The following MEGF10 variants were observed in gnomAD, a reference collection of about 807,000 sequenced individuals.
MEGF10 encodes the protein multiple EGF like domains 10, also known as multiple epidermal growth factor-like domains protein 10.
In MEGF10, 86 loss-of-function variants were observed where a neutral mutation model predicts 147.5. The ratio of observed to expected loss-of-function variants is 0.58; its 90% CI spans 0.49 to 0.70. The LOEUF is 0.70. Among genes scored for constraint, MEGF10 ranks in the 30% least tolerant of loss-of-function variants. MEGF10 has a pLI of 0.00. For synonymous variants in MEGF10, 478 were observed against 525.5 expected (o/e 0.91, Z 1.24); for missense variants, 1,329 against 1,487.3 (o/e 0.89, Z 1.75).
intron 5 of MEGF10, among the ~76,000 whole-genome samples, chr5:127,389,940 G>A (rs1469402834): frequency 6.6e-6 from 1 of 152,062 alleles, no homozygotes; most frequent in Non-Finnish European, 1.5e-5. Flanking sequence ...GATATGTAAA[G>A]CATAAAGCAC....
At chr5:127,298,663 G>A (rs1759625472) in intron 1 of MEGF10, among the ~76,000 whole-genome samples, 1 of 152,158 alleles carries the variant, frequency 6.6e-6, no homozygotes, top group Admixed American at 6.5e-5. Flanking sequence ...CAAAAGGCAT[G>A]CCTTTTTTGT....
chr5:127,353,936 C>T lies in MEGF10; in HGVS notation c.319+13306C>T, dbSNP rs970929431. 4.6e-5 allele frequency among the ~76,000 whole-genome samples: 7 copies of T among 152,278 alleles called. No homozygotes were observed. The East Asian group carries it at 1.4e-3, about 29-fold the overall frequency. The stretch of plus-strand genomic sequence containing the variant: ...GTTCCCATGGATGTGTCCTGCCTGT[C>T]GTTGGCACTGGTTAAGAGAACTTTG... On this transcript the variant is annotated intron_variant, in intron 4 of 24. Transcript: ENST00000503335.
At chr5:127,320,764 A>T (rs1309166118) in intron 1 of MEGF10, among the ~76,000 whole-genome samples, 1 of 152,220 alleles carries the variant, frequency 6.6e-6, no homozygotes, top group African/African-American at 2.4e-5. Context: ...GCTTAAAACC[A>T]TGAGGATAAA....
intron 5 of MEGF10, among the ~76,000 whole-genome samples, chr5:127,392,115 CAG>C (rs1255206942): frequency 6.6e-6 from 1 of 152,166 alleles, no homozygotes; most frequent in Non-Finnish European, 1.5e-5. Flanking sequence ...TGCCTAAGGA[CAG>C]AGTTTCCTGA....
chr5:127,272,554 C>A, the MEGF10 span, among the ~76,000 whole-genome samples: 1 of 152,182 alleles, frequency 6.6e-6, no homozygotes, highest in African/African-American at 2.4e-5. Context: ...TTCTTCCTAT[C>A]CATGAGCATG....
chr5:127,280,125 AAT>A, the MEGF10 span, among the ~76,000 whole-genome samples: 1 of 152,232 alleles, frequency 6.6e-6, no homozygotes, highest in East Asian at 1.9e-4. Context: ...TGAACAAATG[AAT>A]ATTAATTTTA....
intron 4 of MEGF10, among the ~76,000 whole-genome samples, chr5:127,366,440 C>T (rs1374177757): frequency 6.6e-6 from 1 of 152,126 alleles, no homozygotes. Flanking sequence ...CTTTTAGACT[C>T]CATCCCAACA....
intron 3 of MEGF10, among the ~76,000 whole-genome samples, chr5:127,339,966 T>C (rs1370213557): frequency 6.6e-6 from 1 of 152,230 alleles, no homozygotes; most frequent in African/African-American, 2.4e-5. Flanking sequence ...ATGCATGTCC[T>C]TACTTTAACA....
At chr5:127,416,472 C>T (rs1362979344) in intron 9 of MEGF10, among the ~76,000 whole-genome samples, 2 of 152,154 alleles carry the variant, frequency 1.3e-5, no homozygotes, top group African/African-American at 4.8e-5. Flanking sequence ...CGCTCTGGTC[C>T]TGTGAATCTA....
At chr5:127,451,804 C>G (rs1342160198) in intron 22 of MEGF10, among the ~76,000 whole-genome samples, 2 of 152,140 alleles carry the variant, frequency 1.3e-5, no homozygotes, top group Non-Finnish European at 2.9e-5. Flanking sequence ...ATTTAACATC[C>G]CTTTAAAGTT....
chr5:127,411,604 G>A (rs1445897209), intron 9 of MEGF10, among the ~76,000 whole-genome samples: 2 of 152,130 alleles, frequency 1.3e-5, no homozygotes, highest in Admixed American at 6.5e-5. Flanking sequence ...ATTTTAGTGG[G>A]ACATATGAAA....
At chr5:127,402,186 G>A (rs1764157465) in intron 7 of MEGF10, among the ~76,000 whole-genome samples, 1 of 152,148 alleles carries the variant, frequency 6.6e-6, no homozygotes, top group Non-Finnish European at 1.5e-5. Flanking sequence ...GACTTATTGT[G>A]CATGTAAGAC....
At chr5:127,306,737 A>G (rs1396275846) in intron 1 of MEGF10, among the ~76,000 whole-genome samples, 1 of 152,212 alleles carries the variant, frequency 6.6e-6, no homozygotes, top group Non-Finnish European at 1.5e-5. Context: ...ACCCATGGTT[A>G]GAGGAAAGAA....
At chr5:127,309,392 C>A (rs149658408) in intron 1 of MEGF10, among the ~76,000 whole-genome samples, 1 of 152,296 alleles carries the variant, frequency 6.6e-6, no homozygotes, top group East Asian at 1.9e-4. Context: ...ATCTCCAGAA[C>A]TTTTTCATGA....
chr5:127,397,364 A>G (rs1358390847), intron 6 of MEGF10, among the ~76,000 whole-genome samples: 1 of 152,250 alleles, frequency 6.6e-6, no homozygotes, highest in East Asian at 1.9e-4. Flanking sequence ...TTGTGCACAC[A>G]CATAGTTTAA....
intron 5 of MEGF10, among the ~76,000 whole-genome samples, chr5:127,377,867 G>A (rs1763094293): frequency 6.6e-6 from 1 of 152,204 alleles, no homozygotes; most frequent in Admixed American, 6.5e-5. Flanking sequence ...AAATCAGGTT[G>A]ATGGAGCAGC....
At chr5:127,294,451 G>A (rs897307009) in intron 1 of MEGF10, among the ~76,000 whole-genome samples, 2 of 152,120 alleles carry the variant, frequency 1.3e-5, no homozygotes, top group Admixed American at 6.5e-5. Context: ...TGGAGGGTGT[G>A]GAAAAGCCAG....
intron 1 of MEGF10, among the ~76,000 whole-genome samples, chr5:127,319,045 C>T (rs1431549620): frequency 1.4e-5 from 2 of 146,814 alleles, no homozygotes; most frequent in Non-Finnish European, 3.0e-5. Flanking sequence ...CCCTCCCTCC[C>T]TTCCTCCCTC....
rs1287844684 is a variant in MEGF10, at chr5:127,458,109, G to C, written c.*791G>C. On this transcript the variant is annotated 3_prime_UTR_variant, in exon 25 of 25. Coordinates refer to ENST00000503335, the MANE Select transcript of MEGF10 (RefSeq NM_001256545.2). ...GCTCCATCATACATATTCACCACTT[G>C]AGATTCATAACATATCAATAGTTAT... The C allele has an allele frequency of 2.0e-5, 3 of 152,094 alleles. No homozygotes were observed. Among genetic ancestry groups the C allele is most frequent in the African/African-American group, 7.2e-5 (3 of 41,416 alleles). The allele number at this position is 152,094 out of a possible 1,614,324, so 9.4% of individuals were successfully genotyped here. A position where few individuals can be genotyped will look rare whatever the true frequency, so the allele number is the denominator to read the frequency against.
Sources: allele counts gnomAD v4.1 joint callset (sites outside exome capture counted in the v4.1 genomes callset), GRCh38; gene constraint gnomAD v4.1.1; transcripts MANE v1.5; gene names NCBI Gene and HGNC (gene_info 2026-07-23, HGNC 2026-07-21).